Variants in UBE2E2 observed in about 807,000 individuals in gnomAD.
UBE2E2 encodes the protein ubiquitin conjugating enzyme E2 E2, also known as ubiquitin-conjugating enzyme E2 E2.
A neutral mutation model predicts 24.7 loss-of-function variants in UBE2E2; 6 were observed. The ratio of observed to expected loss-of-function variants is 0.24; its 90% CI spans 0.13 to 0.48. The LOEUF is 0.48. UBE2E2 is among the 20% of genes least tolerant of loss of function. UBE2E2 has a pLI of 0.99. For missense variants in UBE2E2, 169 were observed against 245.0 expected, an observed-to-expected ratio of 0.69 and a Z score of 2.07; for synonymous variants, 104 against 83.6, an observed-to-expected ratio of 1.24 and a Z score of -1.33.
intron 4 of UBE2E2, among the ~76,000 whole-genome samples, chr3:23,512,989 C>T (rs528665027): frequency 2.6e-4 from 39 of 152,162 alleles, no homozygotes; most frequent in Admixed American, 4.6e-4. Flanking sequence ...GTACAGTATA[C>T]TATATATACT....
intron 3 of UBE2E2, among the ~76,000 whole-genome samples, chr3:23,371,724 AATAGAG>A: frequency 6.6e-6 from 1 of 152,180 alleles, no homozygotes; most frequent in Non-Finnish European, 1.5e-5. Flanking sequence ...TCTGAATAAT[AATAGAG>A]ATAGTTTTGG....
intron 3 of UBE2E2, among the ~76,000 whole-genome samples, chr3:23,288,633 G>T (rs996131096): frequency 2.6e-5 from 4 of 152,018 alleles, no homozygotes; most frequent in Admixed American, 1.3e-4. Context: ...ATATCCTCTT[G>T]CTGAATTGAC....
intron 3 of UBE2E2, among the ~76,000 whole-genome samples, chr3:23,342,828 A>AT (rs571994981): frequency 4.6e-5 from 7 of 151,488 alleles, no homozygotes; most frequent in African/African-American, 1.2e-4. Context: ...AAACTTTTAT[A>AT]TTTTTTTTTC....
intron 5 of UBE2E2, among the ~76,000 whole-genome samples, chr3:23,564,566 A>G (rs1363919518): frequency 2.6e-5 from 4 of 152,170 alleles, no homozygotes; most frequent in South Asian, 4.1e-4. Context: ...GGGCCTCAGC[A>G]TGTCTCATTT....
chr3:23,244,365 C>T (rs930870441), intron 3 of UBE2E2, among the ~76,000 whole-genome samples: 1 of 152,008 alleles, frequency 6.6e-6, no homozygotes, highest in Non-Finnish European at 1.5e-5. Context: ...TATGTGCATT[C>T]CATTTTGTAA....
Position 23,273,120 on chromosome 3 carries a change from C to G in UBE2E2, c.227+55808C>G, listed in dbSNP as rs150972268. The stretch of plus-strand genomic sequence containing the variant: ...ATGTCTGGACACTTTGTGCCCCAGT[C>G]AAGTTGACACATAAAATTAATCATC... On this transcript the variant is annotated intron_variant, in intron 3 of 5. Coordinates refer to ENST00000396703, the MANE Select transcript of UBE2E2 (RefSeq NM_152653.4). 1.2e-3 allele frequency among the ~76,000 whole-genome samples: 190 copies of G among 152,268 alleles called. 5 individuals are homozygous for G. The East Asian group carries it at 0.022, about 18-fold the overall frequency.
chr3:23,558,078 G>A (rs1157302366), intron 5 of UBE2E2, among the ~76,000 whole-genome samples: 2 of 152,142 alleles, frequency 1.3e-5, no homozygotes, highest in African/African-American at 4.8e-5. Flanking sequence ...TTTATCAAAG[G>A]CATGTCAACA....
intron 5 of UBE2E2, among the ~76,000 whole-genome samples, chr3:23,540,971 G>A (rs1695384471): frequency 1.3e-5 from 2 of 152,256 alleles, no homozygotes; most frequent in South Asian, 2.1e-4. Context: ...TAAACAGCAT[G>A]TTTAAACAAT....
intron 3 of UBE2E2, among the ~76,000 whole-genome samples, chr3:23,415,881 C>T (rs1218723859): frequency 1.3e-5 from 2 of 152,094 alleles, no homozygotes; most frequent in African/African-American, 4.8e-5. Flanking sequence ...TCTCCTAATG[C>T]TATCCCTCCC....
At chr3:23,210,669 A>G (rs1429790943) in intron 2 of UBE2E2, among the ~76,000 whole-genome samples, 1 of 149,808 alleles carries the variant, frequency 6.7e-6, no homozygotes, top group Non-Finnish European at 1.5e-5. Context: ...GAGATAATGT[A>G]TGTGCAGAGC....
chr3:23,303,323 G>T (rs1699153044), intron 3 of UBE2E2, among the ~76,000 whole-genome samples: 1 of 152,056 alleles, frequency 6.6e-6, no homozygotes, highest in Admixed American at 6.6e-5. Flanking sequence ...GAAATAAAGT[G>T]CACAACAACT....
intron 3 of UBE2E2, among the ~76,000 whole-genome samples, chr3:23,258,567 A>G (rs1045088230): frequency 1.3e-5 from 2 of 152,260 alleles, no homozygotes; most frequent in Admixed American, 1.3e-4. Context: ...TGTTGATTAT[A>G]ACAAACATCT....
At chr3:23,411,886 CAT>C (rs1420886190) in intron 3 of UBE2E2, among the ~76,000 whole-genome samples, 9 of 152,140 alleles carry the variant, frequency 5.9e-5, no homozygotes, top group African/African-American at 1.4e-4. Flanking sequence ...ATCTTTGACA[CAT>C]ATTTATTAAC....
At chr3:23,441,461 C>T (rs902887519) in intron 3 of UBE2E2, among the ~76,000 whole-genome samples, 1 of 147,968 alleles carries the variant, frequency 6.8e-6, no homozygotes. Context: ...ATGGCGTGAA[C>T]CCGGGAGGCA....
chr3:23,446,938 G>A (rs984207517), intron 3 of UBE2E2, among the ~76,000 whole-genome samples: 1 of 151,926 alleles, frequency 6.6e-6, no homozygotes, highest in African/African-American at 2.4e-5. Flanking sequence ...ATTGTAATAG[G>A]CCTCAAAAAG....
At chr3:23,464,356 T>G (rs1401799713) in intron 3 of UBE2E2, among the ~76,000 whole-genome samples, 1 of 152,160 alleles carries the variant, frequency 6.6e-6, no homozygotes, top group African/African-American at 2.4e-5. Flanking sequence ...CCTCAAGCAG[T>G]AAACTATATT....
intron 3 of UBE2E2, among the ~76,000 whole-genome samples, chr3:23,252,506 T>A (rs574306002): frequency 2.8e-4 from 42 of 152,304 alleles, no homozygotes; most frequent in Middle Eastern, 3.4e-3. Context: ...TTTTTTTTTT[T>A]AATTTTTTGA....
intron 3 of UBE2E2, among the ~76,000 whole-genome samples, chr3:23,268,395 A>G (rs1264607271): frequency 6.6e-6 from 1 of 152,104 alleles, no homozygotes; most frequent in African/African-American, 2.4e-5. Context: ...AATCACAAGC[A>G]TTCTTATACA....
chr3:23,266,684 C>G (rs112491734), intron 3 of UBE2E2, among the ~76,000 whole-genome samples: 1 of 152,132 alleles, frequency 6.6e-6, no homozygotes, highest in African/African-American at 2.4e-5. Flanking sequence ...GAATTGAACT[C>G]AGCTCCACAC....
Sources: gnomAD v4.1 joint callset for allele counts (sites outside exome capture counted in the v4.1 genomes callset) on GRCh38, gnomAD v4.1.1 for gene constraint, MANE v1.5 for transcripts, NCBI Gene and HGNC (gene_info 2026-07-23, HGNC 2026-07-21) for gene names.